Variants in PRKCA observed in about 807,000 individuals in gnomAD.
The protein encoded by PRKCA is protein kinase C alpha.
Under a neutral mutation model 87.0 loss-of-function variants are expected in PRKCA, and 27 were observed. That is an observed-to-expected ratio of 0.31 (90% CI 0.23 to 0.43). PRKCA has a LOEUF of 0.43. PRKCA is among the 20% of genes least tolerant of loss of function. The pLI, the probability that PRKCA is intolerant of heterozygous loss-of-function variation, is 1.00. For synonymous variants in PRKCA, 329 were observed against 311.1 expected, an observed-to-expected ratio of 1.06 and a Z score of -0.61; for missense variants, 518 against 852.3, an observed-to-expected ratio of 0.61 and a Z score of 4.88.
chr17:66,768,893 C>G (rs8071906), intron 13 of PRKCA, among the ~76,000 whole-genome samples: 13,690 of 152,126 alleles, frequency 0.09, 736 homozygotes, highest in African/African-American at 0.15. Context: ...AGGAGTTGGC[C>G]GAGCAGTTTT....
chr17:66,667,897 A>G (rs1001228299), intron 5 of PRKCA, among the ~76,000 whole-genome samples: 10 of 152,226 alleles, frequency 6.6e-5, no homozygotes, highest in African/African-American at 1.9e-4. Flanking sequence ...CTGAAATGCA[A>G]TCTCTCTTAT....
chr17:66,782,238 A>T (rs762751318), intron 14 of PRKCA, among the ~76,000 whole-genome samples: 11 of 151,612 alleles, frequency 7.3e-5, no homozygotes, highest in Non-Finnish European at 1.2e-4. Context: ...TATCACAATT[A>T]AGAAAAAATA....
At position 66,544,596 on chromosome 17, in the gene PRKCA, A is replaced by AT. The variant is rs199726375; in HGVS notation, c.288+48323dup. On this transcript the variant is annotated intron_variant, in intron 3 of 16. Coordinates refer to ENST00000413366, the MANE Select transcript of PRKCA (RefSeq NM_002737.3). Reference sequence around the variant, plus strand: ...ATTCAAAGAAAGAATTACCAATATCATTTTTTTTTTAAGATGGAGTGAGTC... The same window carrying AT: ...ATTCAAAGAAAGAATTACCAATATCATTTTTTTTTTTAAGATGGAGTGAGTC... Among the ~76,000 whole-genome samples, 656 of 149,860 alleles carry AT rather than the reference A, an allele frequency of 4.4e-3. 4 individuals carry two copies. The highest frequency in any genetic ancestry group is 0.01 in the Middle Eastern group (3 of 292).
At chr17:66,752,409 A>G (rs891689452) in intron 13 of PRKCA, among the ~76,000 whole-genome samples, 3 of 152,208 alleles carry the variant, frequency 2.0e-5, no homozygotes, top group Non-Finnish European at 4.4e-5. Flanking sequence ...AGCCTGGCCA[A>G]CATGGTGAAA....
At chr17:66,737,196 C>CA (rs59025976) in intron 10 of PRKCA, among the ~76,000 whole-genome samples, 1,656 of 125,292 alleles carry the variant, frequency 0.013, 18 homozygotes, top group African/African-American at 0.02. Context: ...ACTAAATATA[C>CA]AAAAAAAAAA....
intron 4 of PRKCA, among the ~76,000 whole-genome samples, chr17:66,642,074 G>A (rs981626253): frequency 6.6e-6 from 1 of 151,912 alleles, no homozygotes; most frequent in Non-Finnish European, 1.5e-5. Context: ...TGTTACGTGT[G>A]TATCTCCATC....
intron 2 of PRKCA, among the ~76,000 whole-genome samples, chr17:66,420,600 T>C (rs764774719): frequency 4.6e-5 from 7 of 152,170 alleles, no homozygotes; most frequent in African/African-American, 1.2e-4. Flanking sequence ...CTCATGTAAG[T>C]GTTCTGTGGA....
chr17:66,634,648 A>T (rs1422661409), intron 3 of PRKCA, among the ~76,000 whole-genome samples: 1 of 152,222 alleles, frequency 6.6e-6, no homozygotes, highest in Non-Finnish European at 1.5e-5. Context: ...ATACACATTT[A>T]ATGAAGGTCT....
intron 2 of PRKCA, among the ~76,000 whole-genome samples, chr17:66,440,941 T>C (rs1027644777): frequency 6.6e-6 from 1 of 151,928 alleles, no homozygotes; most frequent in South Asian, 2.1e-4. Flanking sequence ...GGCGGGTGGA[T>C]TGCCTGAGCT....
intron 3 of PRKCA, among the ~76,000 whole-genome samples, chr17:66,559,562 G>A (rs1968618392): frequency 6.8e-6 from 1 of 147,914 alleles, no homozygotes; most frequent in African/African-American, 2.5e-5. Context: ...AGAGGTTTGA[G>A]TTATTCATAC....
At chr17:66,346,498 G>C (rs967785253) in intron 2 of PRKCA, among the ~76,000 whole-genome samples, 1 of 151,896 alleles carries the variant, frequency 6.6e-6, no homozygotes, top group East Asian at 1.9e-4. Flanking sequence ...TCTTGCTTCA[G>C]CCTCCCAAGT....
chr17:66,442,066 CTTT>C (rs112925414), intron 2 of PRKCA, among the ~76,000 whole-genome samples: 1 of 149,196 alleles, frequency 6.7e-6, no homozygotes, highest in Non-Finnish European at 1.5e-5. Flanking sequence ...GTCTCTCTCT[CTTT>C]TTTTTTTCTT....
rs747534285 is a variant in PRKCA, at chr17:66,688,448, G to A, written c.821+12G>A. On this transcript the variant is annotated intron_variant, in intron 7 of 16. Transcript: ENST00000413366. ...CCGGCCAGTGGATGGTATGGAAGCCGCTTAGGTTGAGTATGTCTCAAAGCA... is the reference window on the plus strand; with the variant it reads ...CCGGCCAGTGGATGGTATGGAAGCCACTTAGGTTGAGTATGTCTCAAAGCA... 23 of 1,613,840 alleles carry A rather than the reference G, an allele frequency of 1.4e-5. No individual in the cohort carries two copies. Among genetic ancestry groups the A allele is most frequent in the South Asian group, 6.6e-5 (6 of 91,054 alleles).
intron 2 of PRKCA, among the ~76,000 whole-genome samples, chr17:66,310,889 A>G (rs529797088): frequency 6.6e-5 from 10 of 152,166 alleles, no homozygotes; most frequent in Non-Finnish European, 1.5e-4. Context: ...ACTGAGGTAC[A>G]AGTTGGGTGG....
Position 66,803,796 on chromosome 17 carries a change from C to T in PRKCA, c.1855-77C>T, listed in dbSNP as rs900011376. 9 of 1,565,394 alleles carry T rather than the reference C, an allele frequency of 5.7e-6. No homozygotes were observed. The highest frequency in any genetic ancestry group is 1.2e-5 in the South Asian group (1 of 83,888). On this transcript the variant is annotated intron_variant, in intron 16 of 16. Coordinates refer to ENST00000413366, the MANE Select transcript of PRKCA (RefSeq NM_002737.3). The surrounding 1 kb of genome is among the most constrained non-coding windows in gnomAD (Gnocchi z 4.4). ...AGTTCCCCAGGGCCGTGCCCCTCCCCAGAGAGGGCCCTCGGAGAGCTGCTC... is the reference window on the plus strand; with the variant it reads ...AGTTCCCCAGGGCCGTGCCCCTCCCTAGAGAGGGCCCTCGGAGAGCTGCTC...
chr17:66,700,424 A>G (rs546034286), intron 8 of PRKCA, among the ~76,000 whole-genome samples: 2 of 152,284 alleles, frequency 1.3e-5, no homozygotes, highest in South Asian at 4.2e-4. Flanking sequence ...CTCCACTTCT[A>G]TTCAACATAG....
chr17:66,442,357 G>T (rs1412386078), intron 2 of PRKCA, among the ~76,000 whole-genome samples: 1 of 151,824 alleles, frequency 6.6e-6, no homozygotes, highest in Non-Finnish European at 1.5e-5. Flanking sequence ...GCACCTGCCT[G>T]TAACATCATG....
At chr17:66,655,134 G>A (rs750264456) in intron 5 of PRKCA, among the ~76,000 whole-genome samples, 2 of 152,188 alleles carry the variant, frequency 1.3e-5, no homozygotes, top group African/African-American at 2.4e-5. Context: ...AACATACAGC[G>A]GTGTGCTTGT....
chr17:66,361,691 C>G (rs1369882271), intron 2 of PRKCA, among the ~76,000 whole-genome samples: 1 of 152,176 alleles, frequency 6.6e-6, no homozygotes, highest in Non-Finnish European at 1.5e-5. Context: ...GTTTTCTTTT[C>G]TTGAAGGTGG....
Sources: gnomAD v4.1 joint callset for allele counts (sites outside exome capture counted in the v4.1 genomes callset) on GRCh38, gnomAD v4.1.1 for gene constraint, Gnocchi (gnomAD v3.1) non-coding constraint, MANE v1.5 for transcripts, NCBI Gene and HGNC (gene_info 2026-07-23, HGNC 2026-07-21) for gene names.